ERICH1: variants seen among roughly 807,000 people sequenced by gnomAD.
ERICH1 encodes glutamate rich 1.
In ERICH1, 56 loss-of-function variants were observed where a neutral mutation model predicts 39.6. The ratio of observed to expected loss-of-function variants is 1.41; its 90% confidence interval spans 1.14 to 1.77. ERICH1 has a LOEUF of 1.77. Ranked by LOEUF, ERICH1 falls within the 40% of genes most tolerant of loss-of-function variation. The pLI is 0.00. For synonymous variants in ERICH1, 313 were observed against 223.6 expected, an observed-to-expected ratio of 1.40 and a Z score of -3.57; for missense variants, 826 against 575.4, an observed-to-expected ratio of 1.44 and a Z score of -4.45.
chr8:710,232 G>A (rs1010769676), intron 2 of ERICH1, among the ~76,000 whole-genome samples: 2 of 152,198 alleles, frequency 1.3e-5, no homozygotes, highest in Admixed American at 6.5e-5. Flanking sequence ...GCATCGTACA[G>A]GGCAGTTTCA....
downstream of ERICH1, among the ~76,000 whole-genome samples, chr8:661,575 C>T (rs150272911): frequency 6.6e-6 from 1 of 152,304 alleles, no homozygotes; most frequent in Admixed American, 6.5e-5. Flanking sequence ...ATTACATGAA[C>T]TGAATATTTT....
At chr8:624,014 C>A (rs376502563) in intron 3 of ERICH1, among the ~76,000 whole-genome samples, 1 of 152,030 alleles carries the variant, frequency 6.6e-6, no homozygotes, top group Non-Finnish European at 1.5e-5. Flanking sequence ...TAACGAGGGA[C>A]TAATATCCAA....
In ERICH1 at chr8:673,855, T is replaced by G; in HGVS notation, c.497A>C (p.Lys166Thr). Residue 166 changes from lysine (K) to threonine (T), a missense_variant, in exon 4 of 6, where the codon AAA (lysine) becomes ACA (threonine). Transcript: ENST00000262109. The part of the protein sequence containing the change: ...TISKNKKRKL[K>T]KKQQIKRKKA... ...CTTCCTTTTAATTTGCTGTTTCTTT[T>G]TCAGTTTCCTTTTTTTATTTTTGCT... The G allele has an allele frequency of 1.9e-6, 3 of 1,613,856 alleles. 1 individual carries two copies. Among genetic ancestry groups the G allele is most frequent in the Non-Finnish European group, 2.5e-6 (3 of 1,180,004 alleles).
chr8:692,367 T>A, intron 3 of ERICH1, 111 bp downstream of exon 3: 1 of 1,481,446 alleles, frequency 6.8e-7, no homozygotes. Context: ...AACAACATGC[T>A]CACCCACCCC....
At chr8:698,015 G>A (rs1259889256) in intron 2 of ERICH1, among the ~76,000 whole-genome samples, 1 of 152,142 alleles carries the variant, frequency 6.6e-6, no homozygotes, top group Non-Finnish European at 1.5e-5. Context: ...GGCCACCGGC[G>A]TGTACCTGTG....
chr8:634,168 C>CA (rs56687918), intron 3 of ERICH1, among the ~76,000 whole-genome samples: 13,289 of 91,802 alleles, frequency 0.14, 887 homozygotes, highest in Non-Finnish European at 0.22. Context: ...TCCTAAAACT[C>CA]AAAAAAAAAA....
intron 1 of ERICH1, among the ~76,000 whole-genome samples, chr8:728,045 C>T (rs1019101899): frequency 6.6e-6 from 1 of 152,196 alleles, no homozygotes; most frequent in African/African-American, 2.4e-5. Context: ...ACGGGGCTCC[C>T]GCCTCCATGA....
intron 3 of ERICH1, among the ~76,000 whole-genome samples, chr8:624,846 C>A (rs1208731529): frequency 1.3e-5 from 2 of 152,152 alleles, no homozygotes; most frequent in African/African-American, 4.8e-5. Context: ...CCTGCCTCAG[C>A]CTCCAGAGTA....
At chr8:687,561 C>A (rs1251404267) in intron 3 of ERICH1, among the ~76,000 whole-genome samples, 10 of 152,184 alleles carry the variant, frequency 6.6e-5, no homozygotes, top group Non-Finnish European at 1.0e-4. Context: ...AGGCGGGAAC[C>A]CGTGGAGGGA....
intron 5 of ERICH1, chr8:668,096 C>CGTG (rs1160209205): frequency 5.1e-6 from 1 of 194,824 alleles, no homozygotes; most frequent in Non-Finnish European, 1.1e-5. Context: ...ATACCCTCAC[C>CGTG]ACAGCTTGTG....
chr8:638,387 G>A (rs1201908490), intron 3 of ERICH1, among the ~76,000 whole-genome samples: 1 of 152,182 alleles, frequency 6.6e-6, no homozygotes, highest in African/African-American at 2.4e-5. Flanking sequence ...GAGGAGGCCT[G>A]CTTGAGATAC....
intron 2 of ERICH1, among the ~76,000 whole-genome samples, chr8:703,737 G>C (rs10867018): frequency 0.68 from 103,102 of 151,818 alleles, 37,025 homozygotes; most frequent in Non-Finnish European, 0.8. Context: ...AAATCTCCCA[G>C]AAAGTGGTCT....
At chr8:615,459 C>T (rs1304896243) in intron 3 of ERICH1, 3 of 474,762 alleles carry the variant, frequency 6.3e-6, no homozygotes, top group Non-Finnish European at 1.1e-5. Context: ...CACAATAGTG[C>T]CTGGGGTGGC....
chr8:628,548 G>A (rs2117081105), intron 3 of ERICH1, among the ~76,000 whole-genome samples: 1 of 152,354 alleles, frequency 6.6e-6, no homozygotes, highest in Admixed American at 6.5e-5. Flanking sequence ...GGGCTGGGAG[G>A]GGCATGGGAC....
intron 3 of ERICH1, among the ~76,000 whole-genome samples, chr8:617,523 C>G (rs1229146992): frequency 6.6e-6 from 1 of 152,162 alleles, no homozygotes; most frequent in Non-Finnish European, 1.5e-5. Context: ...GGTGCTTGGT[C>G]CATCCTCACT....
chr8:701,644 T>C (rs890634563), intron 2 of ERICH1, among the ~76,000 whole-genome samples: 2 of 152,252 alleles, frequency 1.3e-5, no homozygotes, highest in African/African-American at 2.4e-5. Context: ...CTGTCTATGA[T>C]ACGTGTATTT....
intron 2 of ERICH1, among the ~76,000 whole-genome samples, chr8:698,368 A>G (rs914122094): frequency 2.4e-4 from 36 of 151,886 alleles, no homozygotes; most frequent in African/African-American, 8.7e-4. Flanking sequence ...ACAGGTGTGC[A>G]CCACCACGCC....
intron 3 of ERICH1, among the ~76,000 whole-genome samples, chr8:650,670 G>A (rs1585040141): frequency 6.6e-6 from 1 of 152,176 alleles, no homozygotes; most frequent in Non-Finnish European, 1.5e-5. Context: ...GAGGACATGA[G>A]GCGCAGGACG....
chr8:724,105 G>T (rs1817987534), intron 1 of ERICH1, among the ~76,000 whole-genome samples: 1 of 152,150 alleles, frequency 6.6e-6, no homozygotes, highest in Non-Finnish European at 1.5e-5. Flanking sequence ...CCTCAAATGG[G>T]ACATCACCAG....
Sources: allele counts gnomAD v4.1 joint callset (sites outside exome capture counted in the v4.1 genomes callset), GRCh38; gene constraint gnomAD v4.1.1; transcripts MANE v1.5; gene names NCBI Gene and HGNC (gene_info 2026-07-23, HGNC 2026-07-21).